BBS9: variants seen among roughly 807,000 people sequenced by gnomAD.
The protein encoded by BBS9 is protein PTHB1.
BBS9 carries 89 observed loss-of-function variants against 117.7 expected under a neutral mutation model. The observed-to-expected ratio is 0.76, with a 90% confidence interval of 0.64 to 0.90. BBS9 has a LOEUF of 0.90. Among genes scored for constraint, BBS9 ranks in the 40% least tolerant of loss-of-function variants. The probability of loss-of-function intolerance (pLI) is 0.00; values close to 1 mark genes in which losing one functional copy is unlikely to be tolerated. For synonymous variants in BBS9, 379 were observed against 370.9 expected (o/e 1.02, Z -0.25); for missense variants, 982 against 1,042.2 (o/e 0.94, Z 0.80).
At chr7:33,404,827 A>G (rs1482607286) in intron 19 of BBS9, among the ~76,000 whole-genome samples, 1 of 152,014 alleles carries the variant, frequency 6.6e-6, no homozygotes, top group East Asian at 1.9e-4. Flanking sequence ...CTAATTGAAT[A>G]CCCTTTATTT....
At chr7:33,238,084 AAG>A (rs1793829154) in intron 5 of BBS9, among the ~76,000 whole-genome samples, 1 of 152,210 alleles carries the variant, frequency 6.6e-6, no homozygotes, top group East Asian at 1.9e-4. Flanking sequence ...TGCTTTTGGA[AAG>A]AGGGATATAA....
intron 21 of BBS9, among the ~76,000 whole-genome samples, chr7:33,583,492 A>G (rs1246031972): frequency 6.6e-6 from 1 of 151,494 alleles, no homozygotes; most frequent in East Asian, 1.9e-4. Flanking sequence ...TTGTTTGTTT[A>G]TTTATTTATT....
At chr7:33,153,899 T>C (rs567863347) in intron 3 of BBS9, among the ~76,000 whole-genome samples, 1 of 152,190 alleles carries the variant, frequency 6.6e-6, no homozygotes, top group Admixed American at 6.5e-5. Context: ...ATATTAGGTG[T>C]GATGGATTTA....
intron 19 of BBS9, among the ~76,000 whole-genome samples, chr7:33,485,796 G>A (rs1488813960): frequency 6.6e-6 from 1 of 152,184 alleles, no homozygotes; most frequent in Non-Finnish European, 1.5e-5. Context: ...TTGATTAGGT[G>A]TGAACCTTAA....
rs370343058 is a variant in BBS9 at position 33,299,444 on chromosome 7, G to C, written c.1016+25488G>C. 4.0e-5 allele frequency among the ~76,000 whole-genome samples: 6 copies of C among 151,724 alleles called. No individual in the cohort carries two copies. In the East Asian group the frequency reaches 7.7e-4, roughly 19 times the overall value. ...TTTAGCCCTGAGCCAGCTGAAATAAGATTGAGCTAATTTATGCCACTGTTT... is the reference window on the plus strand; with the variant it reads ...TTTAGCCCTGAGCCAGCTGAAATAACATTGAGCTAATTTATGCCACTGTTT... On this transcript the variant is annotated intron_variant, in intron 9 of 22. Transcript: ENST00000242067.
chr7:33,633,287 A>G (rs1865978620), intron 21 of BBS9, among the ~76,000 whole-genome samples: 1 of 146,922 alleles, frequency 6.8e-6, no homozygotes, highest in South Asian at 2.2e-4. Context: ...TTTGTTTTGG[A>G]AAATATTCTA....
At chr7:33,336,330 T>C in intron 9 of BBS9, 111 bp from the exon 10 acceptor site, 2 of 750,926 alleles carry the variant, frequency 2.7e-6, no homozygotes, top group African/African-American at 1.8e-5. Flanking sequence ...AATAGATATA[T>C]AGTTATTTTC....
At chr7:33,478,607 T>C (rs1842107915) in intron 19 of BBS9, among the ~76,000 whole-genome samples, 1 of 152,216 alleles carries the variant, frequency 6.6e-6, no homozygotes, top group Non-Finnish European at 1.5e-5. Flanking sequence ...AAGGTGTTCT[T>C]ATCAAGAGCT....
intron 9 of BBS9, among the ~76,000 whole-genome samples, chr7:33,315,344 C>CTG (rs1810256961): frequency 6.6e-6 from 1 of 152,278 alleles, no homozygotes; most frequent in South Asian, 2.1e-4. Flanking sequence ...GCTCTCTCCC[C>CTG]TGTGTTTCTC....
chr7:33,517,137 G>A (rs60589484), intron 20 of BBS9, among the ~76,000 whole-genome samples: 3,712 of 152,300 alleles, frequency 0.024, 108 homozygotes, highest in African/African-American at 0.068. Flanking sequence ...TAAAGAAAAT[G>A]GGAGAAGAGT....
In BBS9 at chr7:33,264,440, T is replaced by G. The variant is rs1332006773; in HGVS notation, c.702+66T>G. 2.2e-5 allele frequency: 21 copies of G among 938,732 alleles called. No homozygotes were observed. In the East Asian group the frequency reaches 5.0e-4, roughly 22 times the overall value. 58.2% of individuals were successfully genotyped at this position (938,732 alleles called of 1,614,324 possible). On this transcript the variant is annotated intron_variant, in intron 7 of 22. Transcript: ENST00000242067. ...ATATCTAATCACATATGTTTGTCAA[T>G]AATAATTCATGGGAAGAAAATGTAA...
intron 20 of BBS9, among the ~76,000 whole-genome samples, chr7:33,531,462 G>T (rs78889666): frequency 6.6e-6 from 1 of 152,110 alleles, no homozygotes; most frequent in African/African-American, 2.4e-5. Context: ...ACTCCAAGCC[G>T]CAGCCCAGTG....
chr7:33,599,032 G>A (rs929097066), intron 21 of BBS9, among the ~76,000 whole-genome samples: 2 of 152,146 alleles, frequency 1.3e-5, no homozygotes, highest in African/African-American at 4.8e-5. Context: ...ATGGAATAGT[G>A]GTACCAGAGA....
At chr7:33,137,210 A>C (rs1790634110) in intron 1 of BBS9, among the ~76,000 whole-genome samples, 1 of 152,166 alleles carries the variant, frequency 6.6e-6, no homozygotes, top group African/African-American at 2.4e-5. Context: ...GGGTTGCGAC[A>C]GCACCTGGGC....
intron 1 of BBS9, among the ~76,000 whole-genome samples, chr7:33,145,318 T>C (rs1792165408): frequency 6.6e-6 from 1 of 152,210 alleles, no homozygotes; most frequent in African/African-American, 2.4e-5. Flanking sequence ...TGATGCTGTG[T>C]TGTAATTCAA....
intron 10 of BBS9, among the ~76,000 whole-genome samples, chr7:33,339,872 C>T (rs2128633708): frequency 6.6e-6 from 1 of 152,100 alleles, no homozygotes; most frequent in Non-Finnish European, 1.5e-5. Context: ...GGGTGACTTT[C>T]TCTGAGATGA....
chr7:33,553,416 G>A (rs1854772538), intron 21 of BBS9, among the ~76,000 whole-genome samples: 1 of 152,194 alleles, frequency 6.6e-6, no homozygotes, highest in African/African-American at 2.4e-5. Context: ...CAGGGACCTT[G>A]TGGCCTCATA....
chr7:33,488,929 G>A (rs1197331413), intron 19 of BBS9, among the ~76,000 whole-genome samples: 1 of 150,242 alleles, frequency 6.7e-6, no homozygotes, highest in Non-Finnish European at 1.5e-5. Context: ...ACTGGTGATT[G>A]ATAATAGCTG....
chr7:33,230,336 C>T (rs1287076167), intron 5 of BBS9, among the ~76,000 whole-genome samples: 4 of 152,092 alleles, frequency 2.6e-5, no homozygotes, highest in African/African-American at 9.7e-5. Flanking sequence ...AGGCCAATGT[C>T]CAGGAGCTTT....
Sources: allele counts gnomAD v4.1 joint callset (sites outside exome capture counted in the v4.1 genomes callset), GRCh38; gene constraint gnomAD v4.1.1; transcripts MANE v1.5; gene names NCBI Gene and HGNC (gene_info 2026-07-23, HGNC 2026-07-21).